Variants in JAZF1 observed in about 807,000 individuals in gnomAD.
JAZF1 encodes juxtaposed with another zinc finger protein 1.
Under a neutral mutation model 26.4 loss-of-function variants are expected in JAZF1, and 8 were observed. The observed-to-expected ratio is 0.30, with a 90% CI of 0.18 to 0.55. The LOEUF is 0.55. Among genes scored for constraint, JAZF1 ranks in the 20% least tolerant of loss-of-function variants. JAZF1 has a pLI of 0.94. For missense variants in JAZF1, 199 were observed against 322.0 expected, an observed-to-expected ratio of 0.62 and a Z score of 2.92; for synonymous variants, 126 against 122.3, an observed-to-expected ratio of 1.03 and a Z score of -0.20.
chr7:28,075,890 T>C (rs1221105212), intron 1 of JAZF1, among the ~76,000 whole-genome samples: 1 of 152,240 alleles, frequency 6.6e-6, no homozygotes, highest in Non-Finnish European at 1.5e-5. Context: ...AATATGGTCA[T>C]AATGACATCA....
intron 2 of JAZF1, among the ~76,000 whole-genome samples, chr7:27,929,990 C>T (rs189514331): frequency 1.2e-3 from 183 of 151,488 alleles, no homozygotes; most frequent in African/African-American, 4.3e-3. Flanking sequence ...CTCTCTCTCT[C>T]TCTCTCTTTC....
chr7:27,969,903 A>T (rs548609011), intron 2 of JAZF1, among the ~76,000 whole-genome samples: 46 of 152,334 alleles, frequency 3.0e-4, no homozygotes, highest in African/African-American at 1.0e-3. Flanking sequence ...GTATCTGAGC[A>T]ATCCAGAATA....
intron 1 of JAZF1, among the ~76,000 whole-genome samples, chr7:28,150,860 C>T (rs1477998006): frequency 6.6e-6 from 1 of 152,150 alleles, no homozygotes; most frequent in Non-Finnish European, 1.5e-5. Flanking sequence ...CTGCAGGCAG[C>T]ATGTGAAGTA....
chr7:28,043,116 G>A (rs1394939827), intron 1 of JAZF1, among the ~76,000 whole-genome samples: 2 of 152,148 alleles, frequency 1.3e-5, no homozygotes, highest in African/African-American at 2.4e-5. Flanking sequence ...TACTGAATGA[G>A]GATTCACATT....
chr7:28,177,325 A>G (rs749221696), intron 1 of JAZF1, among the ~76,000 whole-genome samples: 1 of 152,220 alleles, frequency 6.6e-6, no homozygotes, highest in Non-Finnish European at 1.5e-5. Context: ...ATCCTTGTTC[A>G]TTATGGGGAG....
chr7:28,108,988 C>T (rs769566060), intron 1 of JAZF1, among the ~76,000 whole-genome samples: 1 of 152,104 alleles, frequency 6.6e-6, no homozygotes, highest in Non-Finnish European at 1.5e-5. Flanking sequence ...TATGTGGGAA[C>T]TAAGAAAGTC....
intron 1 of JAZF1, among the ~76,000 whole-genome samples, chr7:28,121,360 G>C (rs1041198931): frequency 6.6e-6 from 1 of 152,102 alleles, no homozygotes; most frequent in African/African-American, 2.4e-5. Context: ...CAATTAAAAG[G>C]ATCTACAAGC....
At chr7:27,847,152 T>C (rs1320915495) in intron 3 of JAZF1, among the ~76,000 whole-genome samples, 1 of 60,204 alleles carries the variant, frequency 1.7e-5, no homozygotes, top group Non-Finnish European at 3.9e-5. Flanking sequence ...GCTTTTTTTC[T>C]TTTTTTTTTT....
chr7:27,850,873 A>G (rs998673112), intron 3 of JAZF1, among the ~76,000 whole-genome samples: 5 of 152,026 alleles, frequency 3.3e-5, no homozygotes, highest in African/African-American at 1.2e-4. Context: ...AACTTTTACA[A>G]CTATAAATCT....
chr7:28,044,423 G>A (rs1467110929), intron 1 of JAZF1, among the ~76,000 whole-genome samples: 1 of 152,180 alleles, frequency 6.6e-6, no homozygotes, highest in Non-Finnish European at 1.5e-5. Context: ...TTGCTGGGAT[G>A]CTGCAGTTCC....
intron 1 of JAZF1, among the ~76,000 whole-genome samples, chr7:28,009,330 A>C (rs1397246070): frequency 6.6e-6 from 1 of 152,026 alleles, no homozygotes; most frequent in Admixed American, 6.5e-5. Context: ...TACTTTAGCC[A>C]ATCAGTTCAG....
At chr7:27,844,792 C>T (rs1015241903) in intron 3 of JAZF1, among the ~76,000 whole-genome samples, 6 of 152,214 alleles carry the variant, frequency 3.9e-5, no homozygotes, top group African/African-American at 7.2e-5. Context: ...GGGGCTCCAA[C>T]GGGGCACATC....
chr7:28,045,878 T>C (rs927191063), intron 1 of JAZF1, among the ~76,000 whole-genome samples: 1 of 152,230 alleles, frequency 6.6e-6, no homozygotes, highest in Non-Finnish European at 1.5e-5. Flanking sequence ...CTGGCCTGTT[T>C]TTATTGCTTG....
chr7:28,115,001 G>A (rs1449475295), intron 1 of JAZF1, among the ~76,000 whole-genome samples: 1 of 152,182 alleles, frequency 6.6e-6, no homozygotes, highest in Non-Finnish European at 1.5e-5. Flanking sequence ...GAAGGGGAAT[G>A]GGTTAAAGGA....
At chr7:28,174,821 G>GGT (rs58952216) in intron 1 of JAZF1, among the ~76,000 whole-genome samples, 2,109 of 107,770 alleles carry the variant, frequency 0.02, 308 homozygotes, top group African/African-American at 0.043. Flanking sequence ...GGGGTGTGTG[G>GGT]GTGTGTGTGT....
intron 2 of JAZF1, among the ~76,000 whole-genome samples, chr7:27,989,779 A>G (rs951060745): frequency 6.6e-6 from 1 of 152,218 alleles, no homozygotes; most frequent in African/African-American, 2.4e-5. Flanking sequence ...AAAAGTCAGG[A>G]AACAACAGGT....
intron 1 of JAZF1, among the ~76,000 whole-genome samples, chr7:28,029,420 G>A (rs1055701345): frequency 5.9e-5 from 9 of 152,126 alleles, no homozygotes; most frequent in Admixed American, 6.5e-5. Context: ...TGAAAAGAAC[G>A]TCCTCTAAAA....
chr7:27,832,863 C>G lies in JAZF1; in HGVS notation c.669G>C (p.Arg223=). The G allele has an allele frequency of 6.2e-7, 1 of 1,611,892 alleles. No homozygotes were observed. The highest frequency in any genetic ancestry group is 8.5e-7 in the Non-Finnish European group (1 of 1,179,060). Residue 223 remains arginine, a synonymous_variant, in exon 5 of 5, where the codon CGG becomes CGC. Transcript: ENST00000283928. ...GKSYKTAQGL[R]HHTINFHPPV... ...GGGGATGGAAATTGATTGTGTGGTG[C>G]CGCAGGCCCTGAGCTGTCTTGTAAC...
At chr7:27,974,307 G>A (rs1422514993) in intron 2 of JAZF1, among the ~76,000 whole-genome samples, 1 of 152,132 alleles carries the variant, frequency 6.6e-6, no homozygotes, top group African/African-American at 2.4e-5. Context: ...AAAATGCTAG[G>A]GACGAAACTT....
Sources: allele counts gnomAD v4.1 joint callset (sites outside exome capture counted in the v4.1 genomes callset), GRCh38; gene constraint gnomAD v4.1.1; transcripts MANE v1.5; gene names NCBI Gene and HGNC (gene_info 2026-07-23, HGNC 2026-07-21).